DUS2: variants seen among roughly 807,000 people sequenced by gnomAD.
DUS2 encodes the protein tRNA-dihydrouridine(20) synthase [NAD(P)+]-like.
DUS2 carries 52 observed loss-of-function variants against 71.3 expected under a neutral mutation model. That is an observed-to-expected ratio of 0.73 (90% CI 0.58 to 0.92). The LOEUF (loss-of-function observed/expected upper bound fraction) is 0.92, where lower values mean the gene tolerates loss of function less well. Among genes scored for constraint, DUS2 ranks in the 40% least tolerant of loss-of-function variants. DUS2 has a pLI of 0.00. For synonymous variants in DUS2, 204 were observed against 227.8 expected, an observed-to-expected ratio of 0.90 and a Z score of 0.94; for missense variants, 558 against 622.6, an observed-to-expected ratio of 0.90 and a Z score of 1.10.
intron 3 of DUS2, among the ~76,000 whole-genome samples, chr16:68,047,151 G>A (rs2033715234): frequency 6.7e-6 from 1 of 149,772 alleles, no homozygotes; most frequent in Non-Finnish European, 1.5e-5. Context: ...CGCCTCCTGG[G>A]TTCAAGCGAT....
rs936891491 is a variant in DUS2 at position 68,023,292 on chromosome 16, G to T, written c.-158G>T. The T allele has an allele frequency of 5.4e-5, 77 of 1,420,000 alleles. 1 individual carries two copies. The highest frequency in any genetic ancestry group is 2.4e-4 in the Middle Eastern group (1 of 4,166). 88.0% of individuals were successfully genotyped at this position (1,420,000 alleles called of 1,614,324 possible). ...GGTGGCTGGCGAGGCTCAGTACGGT[G>T]TGTGGAGCTGGAGCACCGTGAGGAA... On this transcript the variant is annotated 5_prime_UTR_variant, in exon 1 of 17. Transcript: ENST00000565263.
chr16:68,048,903 T>G (rs565169179), intron 3 of DUS2, among the ~76,000 whole-genome samples: 1 of 152,336 alleles, frequency 6.6e-6, no homozygotes, highest in African/African-American at 2.4e-5. Flanking sequence ...GAGGTTTTCT[T>G]CCATTTATGA....
Position 68,070,114 on chromosome 16 carries a change from C to T in DUS2, c.555-20C>T. 2 of 1,610,848 alleles carry T rather than the reference C, an allele frequency of 1.2e-6. No homozygotes were observed. The highest frequency in any genetic ancestry group is 4.5e-5 in the East Asian group (2 of 44,852). Reference sequence around the variant, plus strand: ...TGGCTTTTGGTGCTTAGCCCTCAGCCCCATCTTTCTATCTCCAAGGAAGCG... The same window carrying T: ...TGGCTTTTGGTGCTTAGCCCTCAGCTCCATCTTTCTATCTCCAAGGAAGCG... On this transcript the variant is annotated intron_variant, in intron 10 of 16. Coordinates refer to ENST00000565263, the MANE Select transcript of DUS2 (RefSeq NM_017803.5).
intron 4 of DUS2, among the ~76,000 whole-genome samples, chr16:68,051,262 A>C (rs1168685855): frequency 6.6e-6 from 1 of 152,210 alleles, no homozygotes; most frequent in Non-Finnish European, 1.5e-5. Flanking sequence ...AGTTGCTTTA[A>C]ACATCAAATG....
intron 15 of DUS2, chr16:68,078,092 G>A (rs1251502499): frequency 9.8e-6 from 3 of 307,246 alleles, no homozygotes; most frequent in Admixed American, 4.6e-5. Context: ...CCTCTGCCAC[G>A]TGTGCCTTCT....
intron 3 of DUS2, among the ~76,000 whole-genome samples, chr16:68,038,930 G>C (rs950185351): frequency 6.6e-6 from 1 of 150,556 alleles, no homozygotes; most frequent in African/African-American, 2.4e-5. Context: ...CTGGTGTGGT[G>C]GCTCACACCT....
intron 4 of DUS2, among the ~76,000 whole-genome samples, chr16:68,051,347 A>C (rs1048017937): frequency 2.6e-5 from 4 of 152,202 alleles, no homozygotes; most frequent in African/African-American, 9.6e-5. Flanking sequence ...TATTTTCATC[A>C]ACTTGTCAGT....
chr16:68,044,555 A>C (rs773317425), intron 3 of DUS2, among the ~76,000 whole-genome samples: 64 of 150,722 alleles, frequency 4.2e-4, no homozygotes, highest in Admixed American at 9.3e-4. Context: ...TCCACCCCAC[A>C]TGGCTAATTT....
intron 2 of DUS2, among the ~76,000 whole-genome samples, chr16:68,035,555 T>TA (rs759945543): frequency 7.2e-5 from 11 of 151,780 alleles, no homozygotes; most frequent in Admixed American, 2.0e-4. Context: ...GGTAATTAAA[T>TA]AAAATTTTTT....
intron 1 of DUS2, among the ~76,000 whole-genome samples, chr16:68,024,927 G>A (rs2033323776): frequency 1.3e-5 from 2 of 151,466 alleles, no homozygotes; most frequent in Non-Finnish European, 2.9e-5. Flanking sequence ...TGCCTTCTGG[G>A]TTCAAGGGAT....
intron 8 of DUS2, 64 bp from the exon 9 acceptor site, chr16:68,066,253 A>G: frequency 1.4e-6 from 2 of 1,447,172 alleles, no homozygotes; most frequent in Admixed American, 3.3e-5. Context: ...GGAGTTAATT[A>G]GTACAGGCAG....
chr16:68,038,878 A>C (rs909534739), intron 3 of DUS2, among the ~76,000 whole-genome samples: 1 of 149,694 alleles, frequency 6.7e-6, no homozygotes, highest in African/African-American at 2.5e-5. Context: ...GTGAGACTCT[A>C]TCTCTTTTTT....
chr16:68,054,539 A>G, intron 5 of DUS2, 35 bp from the exon 6 acceptor site: 3 of 1,613,658 alleles, frequency 1.9e-6, no homozygotes, highest in Non-Finnish European at 2.5e-6. Context: ...TATCTGTGTC[A>G]GGGCAGTGGT....
chr16:68,030,208 G>A (rs191402961), intron 2 of DUS2, among the ~76,000 whole-genome samples: 58 of 152,202 alleles, frequency 3.8e-4, no homozygotes, highest in Non-Finnish European at 7.4e-4. Context: ...GGATGAAACC[G>A]CTTTTGTCAA....
At chr16:68,053,732 G>A in intron 5 of DUS2, 77 bp downstream of exon 5, 2 of 1,502,718 alleles carry the variant, frequency 1.3e-6, no homozygotes, top group East Asian at 2.3e-5. Context: ...CCTGTGCCAG[G>A]CCAGTGTTGA....
intron 7 of DUS2, among the ~76,000 whole-genome samples, chr16:68,059,319 A>G (rs901320529): frequency 3.9e-5 from 6 of 152,202 alleles, no homozygotes; most frequent in African/African-American, 1.2e-4. Flanking sequence ...TGAATGTTTT[A>G]CCTATTCAAA....
At position 68,053,618 on chromosome 16, in the gene DUS2, C is replaced by A. The variant is rs1245857621; in HGVS notation, c.227C>A (p.Thr76Asn). 6.2e-7 allele frequency: 1 copy of A among 1,614,092 alleles called. No individual in the cohort carries two copies. The highest frequency in any genetic ancestry group is 1.3e-5 in the African/African-American group (1 of 74,928). ...CCTGATGATCGAGTTGTCTTCCGCA[C>A]CTGTGAAAGAGAGCAGAACAGGGTG... The part of the protein sequence containing the change: ...VAPDDRVVFR[T>N]CEREQNRVVF... The change falls in exon 5 of 17, where the codon ACC (threonine) becomes AAC (asparagine). Residue 76 changes from threonine to asparagine, a missense_variant. Thr to Asn is a moderately conservative substitution (Grantham distance 65, BLOSUM62 0). Transcript: ENST00000565263.
intron 5 of DUS2, 134 bp from the exon 6 acceptor site, chr16:68,054,440 T>G (rs1163753881): frequency 1.3e-5 from 13 of 992,552 alleles, no homozygotes; most frequent in African/African-American, 1.6e-5. Context: ...GCTGGCTGTT[T>G]AAGAGAAAGC....
intron 8 of DUS2, among the ~76,000 whole-genome samples, chr16:68,064,049 C>A (rs903114585): frequency 6.6e-6 from 1 of 152,184 alleles, no homozygotes; most frequent in African/African-American, 2.4e-5. Context: ...TGACAATTGG[C>A]AGGGCCAGGA....
Sources: gnomAD v4.1 joint callset for allele counts (sites outside exome capture counted in the v4.1 genomes callset) on GRCh38, gnomAD v4.1.1 for gene constraint, MANE v1.5 for transcripts, NCBI Gene and HGNC (gene_info 2026-07-23, HGNC 2026-07-21) for gene names.